ARHGEF9: variants seen among roughly 807,000 people sequenced by gnomAD.
ARHGEF9 encodes the protein Cdc42 guanine nucleotide exchange factor 9.
ARHGEF9 carries 2 observed loss-of-function variants against 41.3 expected under a neutral mutation model. That is an observed-to-expected ratio of 0.05 (90% CI 0.02 to 0.15). The LOEUF is 0.15. Among genes scored for constraint, ARHGEF9 ranks in the 10% least tolerant of loss-of-function variants. The probability of loss-of-function intolerance (pLI) is 1.00; values close to 1 mark genes in which losing one functional copy is unlikely to be tolerated. For synonymous variants in ARHGEF9, 160 were observed against 154.4 expected (o/e 1.04, Z -0.27); for missense variants, 225 against 424.7 (o/e 0.53, Z 4.13).
chrX:63,682,501 C>T (rs1398844290), intron 4 of ARHGEF9, among the ~76,000 whole-genome samples: 8 of 106,817 alleles, frequency 7.5e-5, no homozygotes, highest in East Asian at 2.9e-4. Context: ...GGTGACAGAG[C>T]GAGACTCTGT....
At chrX:63,708,490 A>ACATTTAGGTTATT (rs2052703211) in intron 2 of ARHGEF9, among the ~76,000 whole-genome samples, 2 of 112,393 alleles carry the variant, frequency 1.8e-5, no homozygotes, top group Non-Finnish European at 3.8e-5. Flanking sequence ...GCTATACACC[A>ACATTTAGGTTATT]TGACACTGTC....
chrX:63,766,802 C>A, intron 1 of ARHGEF9: 1 of 254,200 alleles, frequency 3.9e-6, no homozygotes. Context: ...CGTGCCTAAC[C>A]TCAGCTGAGC....
chrX:63,725,815 C>T (rs2147631765), intron 1 of ARHGEF9: 1 of 112,565 alleles, frequency 8.9e-6, no homozygotes, highest in African/African-American at 3.2e-5. Context: ...CACTCTCTCC[C>T]AAGCATTGAA....
chrX:63,642,204 C>T (rs1452530486), intron 9 of ARHGEF9: 5 of 111,417 alleles, frequency 4.5e-5, no homozygotes, highest in Admixed American at 3.9e-4. Flanking sequence ...TGAGAGCGTC[C>T]AGGAGACAAG....
intron 4 of ARHGEF9, among the ~76,000 whole-genome samples, chrX:63,696,916 T>C (rs1206383110): frequency 9.0e-6 from 1 of 111,655 alleles, no homozygotes; most frequent in African/African-American, 3.3e-5. Flanking sequence ...CAGCAGGTCA[T>C]ACACATGCTT....
intron 4 of ARHGEF9, among the ~76,000 whole-genome samples, chrX:63,696,119 C>A (rs1277400111): frequency 9.0e-6 from 1 of 111,296 alleles, no homozygotes; most frequent in African/African-American, 3.3e-5. Flanking sequence ...TTCAATATAA[C>A]CATATTCTGA....
intron 8 of ARHGEF9, 34 bp downstream of exon 8, chrX:63,655,460 G>T (rs2048818503): frequency 8.3e-7 from 1 of 1,209,492 alleles, no homozygotes; most frequent in Non-Finnish European, 1.1e-6. Flanking sequence ...GTTCTTCATA[G>T]CCATGTTCTT....
chrX:63,706,285 G>A lies in ARHGEF9; in HGVS notation c.375C>T (p.Tyr125=). 1 of 1,205,061 alleles carries A rather than the reference G, an allele frequency of 8.3e-7. No homozygotes were observed. The highest frequency in any genetic ancestry group is 1.1e-6 in the Non-Finnish European group (1 of 892,056). The change falls in exon 3 of 10, where the codon TAC becomes TAT. Residue 125 remains tyrosine (Y), a synonymous_variant. Transcript: ENST00000671741. ...INEIMSTERH[Y]IKHLKDICEG... is the part of the protein sequence containing the mutation. ...CACAAATATCCTTGAGGTGCTTGAT[G>A]TAGTGACGCTCAGTGCTCATTATCT...
chrX:63,777,482 A>G (rs1313350035), intron 1 of ARHGEF9, among the ~76,000 whole-genome samples: 2 of 111,169 alleles, frequency 1.8e-5, no homozygotes, highest in Non-Finnish European at 3.8e-5. Flanking sequence ...ATTTCAGAAC[A>G]CAATCATGCC....
At chrX:63,732,876 G>A (rs1293347975) in intron 1 of ARHGEF9, among the ~76,000 whole-genome samples, 5 of 111,639 alleles carry the variant, frequency 4.5e-5, no homozygotes, top group East Asian at 5.6e-4. Context: ...ATGGTTACAC[G>A]TAGCGACACT....
chrX:63,645,794 G>A (rs1467677746), intron 8 of ARHGEF9, among the ~76,000 whole-genome samples: 2 of 111,859 alleles, frequency 1.8e-5, no homozygotes, highest in African/African-American at 3.3e-5. Flanking sequence ...GATCCCTGAG[G>A]AATCACCACA....
intron 4 of ARHGEF9, among the ~76,000 whole-genome samples, chrX:63,694,350 C>T (rs1556385150): frequency 8.9e-6 from 1 of 111,859 alleles, no homozygotes; most frequent in African/African-American, 3.2e-5. Flanking sequence ...GCAACCCTAA[C>T]CCTGGAAGTC....
intron 1 of ARHGEF9, among the ~76,000 whole-genome samples, chrX:63,752,264 C>T (rs1312240852): frequency 1.0e-5 from 1 of 99,653 alleles, no homozygotes; most frequent in Admixed American, 1.1e-4. Context: ...TGGAAGTCAC[C>T]TAGTGGAGCC....
At chrX:63,646,862 G>C (rs2147164910) in intron 8 of ARHGEF9, among the ~76,000 whole-genome samples, 1 of 111,833 alleles carries the variant, frequency 8.9e-6, no homozygotes, top group African/African-American at 3.2e-5. Context: ...CTACCCATGA[G>C]CATGGAATGT....
chrX:63,769,616 G>A (rs2056170454), intron 1 of ARHGEF9, among the ~76,000 whole-genome samples: 1 of 111,499 alleles, frequency 9.0e-6, no homozygotes, highest in Non-Finnish European at 1.9e-5. Context: ...GGAAAAAATT[G>A]TTTCTTGGGC....
intron 4 of ARHGEF9, among the ~76,000 whole-genome samples, chrX:63,681,543 C>A (rs2050622534): frequency 1.8e-5 from 2 of 110,861 alleles, no homozygotes; most frequent in Middle Eastern, 4.7e-3. Flanking sequence ...TAAAAAATAT[C>A]TTGAGACAAA....
At chrX:63,783,960 C>A (rs1246362681) in intron 1 of ARHGEF9, among the ~76,000 whole-genome samples, 1 of 111,892 alleles carries the variant, frequency 8.9e-6, no homozygotes, top group East Asian at 2.8e-4. Context: ...AAACAGAGAT[C>A]TAACAAAACT....
At chrX:63,743,639 TATC>T (rs2147736364) in intron 1 of ARHGEF9, among the ~76,000 whole-genome samples, 1 of 112,496 alleles carries the variant, frequency 8.9e-6, no homozygotes, top group South Asian at 3.7e-4. Context: ...TTTTTGATCA[TATC>T]ATGAAAACCC....
At chrX:63,742,006 TC>T (rs1309177849) in intron 1 of ARHGEF9, among the ~76,000 whole-genome samples, 2 of 112,291 alleles carry the variant, frequency 1.8e-5, no homozygotes, top group Non-Finnish European at 3.8e-5. Flanking sequence ...CCAATTTTCT[TC>T]CCCATCAATT....
Sources: gnomAD v4.1 joint callset for allele counts (sites outside exome capture counted in the v4.1 genomes callset) on GRCh38, gnomAD v4.1.1 for gene constraint, MANE v1.5 for transcripts, NCBI Gene and HGNC (gene_info 2026-07-23, HGNC 2026-07-21) for gene names.